Variants in STK38 observed in about 807,000 individuals in gnomAD.
STK38 encodes the protein serine/threonine-protein kinase 38.
A neutral mutation model predicts 59.0 loss-of-function variants in STK38; 26 were observed. The observed-to-expected ratio is 0.44, with a 90% CI of 0.32 to 0.61. The LOEUF (loss-of-function observed/expected upper bound fraction) is 0.61. STK38 is among the 20% of genes least tolerant of loss of function. The pLI is 0.04. For synonymous variants in STK38, 175 were observed against 176.6 expected, an observed-to-expected ratio of 0.99 and a Z score of 0.07; for missense variants, 433 against 566.0, an observed-to-expected ratio of 0.76 and a Z score of 2.38.
chr6:36,512,046 G>A (rs1250128719), intron 7 of STK38, among the ~76,000 whole-genome samples: 1 of 152,154 alleles, frequency 6.6e-6, no homozygotes, highest in Admixed American at 6.5e-5. Flanking sequence ...GTGACAGAGT[G>A]AGACTCCACC....
chr6:36,544,009 A>C (rs1324908372), intron 1 of STK38, among the ~76,000 whole-genome samples: 1 of 152,188 alleles, frequency 6.6e-6, no homozygotes, highest in Non-Finnish European at 1.5e-5. Flanking sequence ...TAGCTTTTTA[A>C]ATTGTTTTGT....
intron 9 of STK38, among the ~76,000 whole-genome samples, chr6:36,503,917 C>CA (rs1228939678): frequency 3.3e-5 from 5 of 152,188 alleles, no homozygotes; most frequent in Non-Finnish European, 7.3e-5. Flanking sequence ...GCCCCCTTCC[C>CA]AAACCTTTGT....
chr6:36,521,584 T>C (rs552683620), intron 5 of STK38, 150 bp downstream of exon 5: 14 of 413,270 alleles, frequency 3.4e-5, no homozygotes, highest in African/African-American at 2.3e-4. Flanking sequence ...TGCTTCTTTG[T>C]AGGGGGAAAA....
intron 2 of STK38, 36 bp from the exon 3 acceptor site, chr6:36,525,678 T>G: frequency 6.4e-7 from 1 of 1,561,008 alleles, no homozygotes; most frequent in South Asian, 1.1e-5. Flanking sequence ...TGAAATCACA[T>G]CTGAATGATA....
chr6:36,524,218 C>A (rs922327226), intron 4 of STK38, 123 bp downstream of exon 4: 1 of 1,164,686 alleles, frequency 8.6e-7, no homozygotes, highest in East Asian at 2.7e-5. Flanking sequence ...GGATGTGGGG[C>A]TGGCATGCCT....
chr6:36,514,708 G>A (rs889817982), intron 7 of STK38, among the ~76,000 whole-genome samples: 2 of 151,778 alleles, frequency 1.3e-5, no homozygotes, highest in East Asian at 1.9e-4. Flanking sequence ...GGGCAGGGGC[G>A]TGGTGGTGCA....
chr6:36,524,947 T>C (rs574005237), intron 3 of STK38, among the ~76,000 whole-genome samples: 4 of 152,356 alleles, frequency 2.6e-5, no homozygotes, highest in Non-Finnish European at 2.9e-5. Context: ...TTTCAGTTCC[T>C]TGCACAGTCC....
At chr6:36,540,276 C>CCTG in intron 1 of STK38, 69 bp from the exon 2 acceptor site, 1 of 1,475,686 alleles carries the variant, frequency 6.8e-7, no homozygotes, top group Non-Finnish European at 9.3e-7. Context: ...CTCTCCTACC[C>CCTG]TATTGGTAGG....
chr6:36,498,121 G>A (rs1210136525), intron 11 of STK38, among the ~76,000 whole-genome samples: 2 of 151,626 alleles, frequency 1.3e-5, no homozygotes, highest in Non-Finnish European at 2.9e-5. Flanking sequence ...TTTTAGAGGT[G>A]GGGTTTTGCT....
intron 1 of STK38, 70 bp from the exon 2 acceptor site, chr6:36,540,277 T>TA (rs1382458115): frequency 6.9e-7 from 1 of 1,444,842 alleles, no homozygotes; most frequent in Admixed American, 2.1e-5. Flanking sequence ...TCTCCTACCC[T>TA]ATTGGTAGGA....
At chr6:36,520,855 ATCTCC>A (rs1038879098) in intron 5 of STK38, among the ~76,000 whole-genome samples, 1 of 152,164 alleles carries the variant, frequency 6.6e-6, no homozygotes, top group African/African-American at 2.4e-5. Flanking sequence ...CAGTGATTAT[ATCTCC>A]TCTCAAGAGG....
chr6:36,503,450 T>TG (rs560345828), intron 9 of STK38, among the ~76,000 whole-genome samples: 52 of 131,390 alleles, frequency 4.0e-4, no homozygotes, highest in African/African-American at 1.2e-3. Context: ...GTGTGTGTGT[T>TG]TGTGTGTGTA....
intron 12 of STK38, 74 bp from the exon 13 acceptor site, chr6:36,496,879 A>C (rs1222474616): frequency 3.6e-6 from 4 of 1,096,436 alleles, no homozygotes; most frequent in Non-Finnish European, 5.4e-6. Flanking sequence ...TCTTTCTCCA[A>C]AAAAGACCCC....
chr6:36,525,098 A>G (rs1022483440), intron 3 of STK38, among the ~76,000 whole-genome samples: 3 of 152,178 alleles, frequency 2.0e-5, no homozygotes, highest in Admixed American at 2.0e-4. Context: ...AGGGAGGGAG[A>G]GCATTAGGAC....
At chr6:36,520,118 G>C (rs924830682) in intron 5 of STK38, among the ~76,000 whole-genome samples, 8 of 152,182 alleles carry the variant, frequency 5.3e-5, no homozygotes, top group South Asian at 4.1e-4. Context: ...GGCTAAGCCA[G>C]GTAGAGTCTG....
chr6:36,535,150 A>C (rs1157372080), intron 2 of STK38, among the ~76,000 whole-genome samples: 1 of 152,116 alleles, frequency 6.6e-6, no homozygotes, highest in Non-Finnish European at 1.5e-5. Context: ...ACTAAAGAAG[A>C]CCTTAAAAAT....
chr6:36,544,277 G>A (rs1328454508), intron 1 of STK38, among the ~76,000 whole-genome samples: 1 of 151,340 alleles, frequency 6.6e-6, no homozygotes, highest in Admixed American at 6.6e-5. Flanking sequence ...GGGAAGTTTC[G>A]ACTAATACCA....
intron 1 of STK38, among the ~76,000 whole-genome samples, chr6:36,542,998 A>T (rs2127493472): frequency 6.6e-6 from 1 of 152,328 alleles, no homozygotes; most frequent in South Asian, 2.1e-4. Context: ...TATTTCAGCT[A>T]ACCTGTATTA....
At chr6:36,524,253 T>A (rs779070349) in intron 4 of STK38, 88 bp downstream of exon 4, 2 of 1,463,828 alleles carry the variant, frequency 1.4e-6, no homozygotes, top group East Asian at 4.8e-5. Flanking sequence ...CATATATTTG[T>A]TATATCAACA....
Sources: allele counts gnomAD v4.1 joint callset (sites outside exome capture counted in the v4.1 genomes callset), GRCh38; gene constraint gnomAD v4.1.1; transcripts MANE v1.5; gene names NCBI Gene and HGNC (gene_info 2026-07-23, HGNC 2026-07-21).